EFR3A: variants seen among roughly 807,000 people sequenced by gnomAD.
EFR3A encodes the protein EFR3 homolog A, also known as protein EFR3 homolog A.
In EFR3A, 76 loss-of-function variants were observed where a neutral mutation model predicts 104.4. The ratio of observed to expected loss-of-function variants is 0.73; its 90% CI spans 0.60 to 0.88. The LOEUF (loss-of-function observed/expected upper bound fraction) is 0.88, where lower values mean the gene tolerates loss of function less well. EFR3A is among the 40% of genes least tolerant of loss of function. EFR3A has a pLI of 0.00. For missense variants in EFR3A, 985 were observed against 1,012.5 expected (o/e 0.97, Z 0.37); for synonymous variants, 330 against 330.0 (o/e 1.00, Z 0.00).
At position 131,949,613 on chromosome 8, in the gene EFR3A, G is replaced by A. The variant is rs180842523; in HGVS notation, c.367-356G>A. On this transcript the variant is annotated intron_variant, in intron 4 of 22. Transcript: ENST00000254624. ...GAGGCCAGGAGTTCAAGAGCAGCCT[G>A]GGCAACATAGCAAGACCCCCATTGT... Among the ~76,000 whole-genome samples the A allele has an allele frequency of 2.1e-3, 313 of 152,150 alleles. 1 individual carries two copies. Among genetic ancestry groups the A allele is most frequent in the South Asian group, 0.013 (64 of 4,808 alleles).
At chr8:131,943,326 T>C (rs908444763) in intron 2 of EFR3A, among the ~76,000 whole-genome samples, 1 of 152,062 alleles carries the variant, frequency 6.6e-6, no homozygotes, top group Non-Finnish European at 1.5e-5. Flanking sequence ...ATACCGTAAG[T>C]CAATGCAGTT....
chr8:131,932,551 AAC>A (rs1310394978), intron 1 of EFR3A, among the ~76,000 whole-genome samples: 1 of 152,150 alleles, frequency 6.6e-6, no homozygotes, highest in African/African-American at 2.4e-5. Flanking sequence ...TGTTACCAGA[AAC>A]ACAGATCTCA....
At chr8:131,990,971 G>T (rs1487708596) in intron 18 of EFR3A, among the ~76,000 whole-genome samples, 1 of 152,000 alleles carries the variant, frequency 6.6e-6, no homozygotes, top group African/African-American at 2.4e-5. Flanking sequence ...TTCTGGGAGG[G>T]ATGACAGATA....
chr8:131,944,776 T>G lies in EFR3A; in HGVS notation c.119T>G (p.Leu40Trp), dbSNP rs192357671. 6.2e-7 allele frequency: 1 copy of G among 1,603,616 alleles called. No homozygotes were observed. Among genetic ancestry groups the G allele is most frequent in the East Asian group, 2.3e-5 (1 of 44,444 alleles). Residue 40 changes from leucine to tryptophan, a missense_variant, in exon 3 of 23, where the codon TTG (leucine) becomes TGG (tryptophan). Physicochemically the swap from Leu to Trp is moderately conservative, Grantham distance 61. Transcript: ENST00000254624. ...DGLVKTDMEK[L>W]TFYAVSAPEK... ...CTTGTGAAAACTGATATGGAGAAAT[T>G]GACATTTTATGCAGTATCTGCTCCA...
At chr8:131,974,634 C>T (rs1351293477) in intron 10 of EFR3A, among the ~76,000 whole-genome samples, 1 of 152,124 alleles carries the variant, frequency 6.6e-6, no homozygotes, top group African/African-American at 2.4e-5. Flanking sequence ...AATAATAGAA[C>T]CTAGACTCAA....
intron 1 of EFR3A, among the ~76,000 whole-genome samples, chr8:131,936,360 C>T (rs921650737): frequency 3.3e-5 from 5 of 152,072 alleles, no homozygotes; most frequent in African/African-American, 9.7e-5. Context: ...CCCCAAGCAC[C>T]GAGCTAGCAA....
chr8:131,965,654 A>C (rs904768558), intron 8 of EFR3A, among the ~76,000 whole-genome samples: 1 of 152,130 alleles, frequency 6.6e-6, no homozygotes, highest in African/African-American at 2.4e-5. Flanking sequence ...GCAGTGTGGC[A>C]ATTCCTCAGG....
rs747002812 is a variant in EFR3A at position 131,984,912 on chromosome 8, T to A, written c.1738-17T>A. ...ATAAGAACTTGATCTCTCTGATGTG[T>A]TTGTTTCTTATTAAAGGACAGTGCA... On this transcript the variant is annotated splice_polypyrimidine_tract_variant and intron_variant, in intron 15 of 22. Transcript: ENST00000254624. 11 of 1,609,704 alleles carry A rather than the reference T, an allele frequency of 6.8e-6. No homozygotes were observed. The African/African-American group carries it at 1.5e-4, about 22-fold the overall frequency.
intron 22 of EFR3A, among the ~76,000 whole-genome samples, chr8:132,005,748 T>G (rs1822010767): frequency 6.6e-6 from 1 of 152,130 alleles, no homozygotes; most frequent in Non-Finnish European, 1.5e-5. Context: ...GATATAAGAT[T>G]TGAACCATTT....
rs1230238660 is a variant in EFR3A at position 131,959,592 on chromosome 8, G to GTCC, written c.784_785insTCC (p.Asp262delinsValHis). The GTCC allele has an allele frequency of 6.2e-7, 1 of 1,611,346 alleles. No individual in the cohort carries two copies. Among genetic ancestry groups the GTCC allele is most frequent in the South Asian group, 1.1e-5 (1 of 90,374 alleles). On this transcript the variant is annotated protein_altering_variant, in exon 8 of 23. Coordinates refer to ENST00000254624, the MANE Select transcript of EFR3A (RefSeq NM_015137.6). ...AATTTTTGTTATTTGCAGGCATTTAGATCATCACAAACTGTGGGATCCCAA... is the reference window on the plus strand; with the variant it reads ...AATTTTTGTTATTTGCAGGCATTTAGTCCATCATCACAAACTGTGGGATCCCAA...
chr8:131,945,706 T>C (rs1818403711), intron 3 of EFR3A, among the ~76,000 whole-genome samples: 2 of 152,108 alleles, frequency 1.3e-5, no homozygotes, highest in African/African-American at 2.4e-5. Flanking sequence ...TTGTCACATG[T>C]ACAGAATGTG....
chr8:131,965,188 A>G (rs1247058311), intron 8 of EFR3A, among the ~76,000 whole-genome samples: 2 of 152,198 alleles, frequency 1.3e-5, no homozygotes, highest in African/African-American at 2.4e-5. Context: ...ACCAAAAGCA[A>G]TGGCAACAAA....
At position 131,944,785 on chromosome 8, in the gene EFR3A, A is replaced by T. The variant is rs1395008260; in HGVS notation, c.128A>T (p.Tyr43Phe). The T allele has an allele frequency of 3.1e-6, 5 of 1,606,496 alleles. No homozygotes were observed. The highest frequency in any genetic ancestry group is 1.7e-4 in the Middle Eastern group (1 of 6,038). Reference sequence around the variant, plus strand: ...ACTGATATGGAGAAATTGACATTTTATGCAGTATCTGCTCCAGAGAAACTG... The same window carrying T: ...ACTGATATGGAGAAATTGACATTTTTTGCAGTATCTGCTCCAGAGAAACTG... Reference protein sequence around the residue: ...VKTDMEKLTFYAVSAPEKLDR... With the variant: ...VKTDMEKLTFFAVSAPEKLDR... The change falls in exon 3 of 23, where the codon TAT becomes TTT. Residue 43 changes from tyrosine (Y) to phenylalanine (F), a missense_variant. Coordinates refer to ENST00000254624, the MANE Select transcript of EFR3A (RefSeq NM_015137.6).
chr8:131,936,105 G>A (rs932950176), intron 1 of EFR3A, among the ~76,000 whole-genome samples: 1 of 152,062 alleles, frequency 6.6e-6, no homozygotes, highest in Non-Finnish European at 1.5e-5. Flanking sequence ...AGACAGGATG[G>A]ATTGGAAATT....
intron 1 of EFR3A, among the ~76,000 whole-genome samples, chr8:131,915,192 G>T (rs2130404062): frequency 6.6e-6 from 1 of 152,288 alleles, no homozygotes; most frequent in South Asian, 2.1e-4. Flanking sequence ...GAGGTTTATA[G>T]TATTAGACAT....
At chr8:131,914,433 T>C (rs1317751596) in intron 1 of EFR3A, among the ~76,000 whole-genome samples, 1 of 152,184 alleles carries the variant, frequency 6.6e-6, no homozygotes, top group Non-Finnish European at 1.5e-5. Context: ...TCCTCATTGT[T>C]GATTCCTGAG....
chr8:132,002,770 T>C, intron 21 of EFR3A, 64 bp downstream of exon 21: 1 of 1,294,120 alleles, frequency 7.7e-7, no homozygotes, highest in African/African-American at 1.5e-5. Context: ...TCTTCCTTGG[T>C]GATTAGTTGA....
At chr8:131,981,914 G>A (rs565530915) in intron 14 of EFR3A, among the ~76,000 whole-genome samples, 29 of 152,104 alleles carry the variant, frequency 1.9e-4, no homozygotes, top group African/African-American at 6.5e-4. Flanking sequence ...CCACCACTGA[G>A]TCTACAACTC....
intron 12 of EFR3A, among the ~76,000 whole-genome samples, chr8:131,978,596 A>G (rs966442260): frequency 2.0e-5 from 3 of 152,148 alleles, no homozygotes. Flanking sequence ...AAGTTAATAC[A>G]TATGCAGTGC....
Sources: gnomAD v4.1 joint callset for allele counts (sites outside exome capture counted in the v4.1 genomes callset) on GRCh38, gnomAD v4.1.1 for gene constraint, MANE v1.5 for transcripts, NCBI Gene and HGNC (gene_info 2026-07-23, HGNC 2026-07-21) for gene names.